The following SDK1 variants were observed in gnomAD, a reference collection of about 807,000 sequenced individuals.
The protein encoded by SDK1 is protein sidekick-1.
SDK1 carries 157 observed loss-of-function variants against 245.5 expected under a neutral mutation model. That is an observed-to-expected ratio of 0.64 (90% confidence interval 0.56 to 0.73). The LOEUF (loss-of-function observed/expected upper bound fraction) is 0.73. Ranked by LOEUF, SDK1 falls within the 30% of genes least tolerant of loss-of-function variation. SDK1 has a pLI of 0.00. For missense variants in SDK1, 3,583 were observed against 3,002.3 expected, an observed-to-expected ratio of 1.19 and a Z score of -4.52; for synonymous variants, 1,647 against 1,278.5, an observed-to-expected ratio of 1.29 and a Z score of -6.15.
chr7:3,379,240 G>T (rs1380201940), intron 1 of SDK1, among the ~76,000 whole-genome samples: 1 of 152,146 alleles, frequency 6.6e-6, no homozygotes, highest in African/African-American at 2.4e-5. Flanking sequence ...GACCTGTCAC[G>T]ATGGAGCTTA....
At chr7:3,359,384 G>A (rs148439877) in intron 1 of SDK1, among the ~76,000 whole-genome samples, 4 of 152,222 alleles carry the variant, frequency 2.6e-5, no homozygotes, top group South Asian at 2.1e-4. Context: ...TTAAGTTTTC[G>A]TTGTTGTTGT....
At position 3,615,156 on chromosome 7, in the gene SDK1, T is replaced by C. The variant is rs531516212; in HGVS notation, c.299-3924T>C. Among the ~76,000 whole-genome samples, 35 of 151,796 alleles carry C rather than the reference T, an allele frequency of 2.3e-4. 1 individual carries two copies. The highest frequency in any genetic ancestry group is 1.0e-3 in the South Asian group (5 of 4,814). On this transcript the variant is annotated intron_variant, in intron 1 of 44. Transcript: ENST00000404826. ...ATGTATGTTTTCTATGACTCATTCG[T>C]GTAGGACACTGGAACCATATGAAGT...
At chr7:4,051,555 A>G in intron 18 of SDK1, 83 bp from the exon 19 acceptor site, 1 of 1,221,160 alleles carries the variant, frequency 8.2e-7, no homozygotes, top group Non-Finnish European at 1.2e-6. Flanking sequence ...ATTTTAAAAG[A>G]CAAAATAAAA....
intron 1 of SDK1, among the ~76,000 whole-genome samples, chr7:3,547,631 A>T (rs557005070): frequency 2.6e-5 from 4 of 152,370 alleles, no homozygotes; most frequent in South Asian, 4.1e-4. Flanking sequence ...GACCTAGTCC[A>T]TGCTTGTCCA....
chr7:3,671,303 C>G (rs112435060), intron 4 of SDK1, among the ~76,000 whole-genome samples: 3,687 of 152,250 alleles, frequency 0.024, 159 homozygotes, highest in African/African-American at 0.084. Context: ...CTCTAGAATT[C>G]CATCGGCCTC....
intron 5 of SDK1, among the ~76,000 whole-genome samples, chr7:3,866,225 C>T (rs1780817943): frequency 6.6e-6 from 1 of 152,182 alleles, no homozygotes. Flanking sequence ...TTCACTTATG[C>T]ATTCATTACT....
At chr7:3,688,885 C>G (rs1458438380) in intron 4 of SDK1, among the ~76,000 whole-genome samples, 1 of 152,092 alleles carries the variant, frequency 6.6e-6, no homozygotes, top group Non-Finnish European at 1.5e-5. Context: ...CCATTTTGTT[C>G]AGAACAGCAC....
At chr7:3,881,044 G>A (rs949359006) in intron 5 of SDK1, among the ~76,000 whole-genome samples, 2 of 152,030 alleles carry the variant, frequency 1.3e-5, no homozygotes, top group Non-Finnish European at 2.9e-5. Flanking sequence ...ATTTTAATAA[G>A]ATTTGGGAAA....
intron 1 of SDK1, among the ~76,000 whole-genome samples, chr7:3,376,825 G>T (rs7807065): frequency 0.75 from 113,964 of 152,028 alleles, 43,058 homozygotes; most frequent in South Asian, 0.84. Context: ...TTTCAAAAAT[G>T]TCAAATTTTC....
chr7:4,011,956 G>T, intron 15 of SDK1, 139 bp from the exon 16 acceptor site: 1 of 595,182 alleles, frequency 1.7e-6, no homozygotes, highest in Non-Finnish European at 2.7e-6. Flanking sequence ...AGTTTCATTG[G>T]CTGTGTGTTT....
chr7:4,149,035 A>G (rs1475137960), intron 29 of SDK1, among the ~76,000 whole-genome samples: 2 of 150,518 alleles, frequency 1.3e-5, no homozygotes, highest in African/African-American at 5.0e-5. Context: ...CAACCTGGTG[A>G]CAGAGTGAGA....
intron 1 of SDK1, among the ~76,000 whole-genome samples, chr7:3,467,029 C>CACACACAGAG (rs1288513856): frequency 5.4e-4 from 74 of 137,642 alleles, no homozygotes; most frequent in African/African-American, 1.8e-3. Flanking sequence ...CACACACACA[C>CACACACAGAG]AGAGATGTAA....
intron 1 of SDK1, among the ~76,000 whole-genome samples, chr7:3,336,788 G>T (rs1432708459): frequency 6.6e-6 from 1 of 152,170 alleles, no homozygotes; most frequent in African/African-American, 2.4e-5. Context: ...ACTTTGGCTG[G>T]GAAAGTGTCA....
At chr7:3,634,504 G>C (rs893498492) in intron 2 of SDK1, among the ~76,000 whole-genome samples, 1 of 152,216 alleles carries the variant, frequency 6.6e-6, no homozygotes, top group African/African-American at 2.4e-5. Context: ...ATTCTGCCTT[G>C]ATAGAGTGAA....
At chr7:4,229,739 T>C (rs926318257) in intron 40 of SDK1, among the ~76,000 whole-genome samples, 24 of 152,168 alleles carry the variant, frequency 1.6e-4, no homozygotes, top group African/African-American at 5.5e-4. Context: ...CAACACCCAG[T>C]TTATAAGAGT....
intron 1 of SDK1, among the ~76,000 whole-genome samples, chr7:3,556,599 T>A (rs1779593970): frequency 6.6e-6 from 1 of 151,856 alleles, no homozygotes. Flanking sequence ...GGCAGGCTGA[T>A]TATCTCAGGT....
intron 1 of SDK1, among the ~76,000 whole-genome samples, chr7:3,592,340 G>T (rs1332104801): frequency 6.6e-6 from 1 of 152,160 alleles, no homozygotes; most frequent in African/African-American, 2.4e-5. Flanking sequence ...AGATGTTCCA[G>T]AATAACAGAA....
At chr7:3,696,891 T>G (rs907163059) in intron 4 of SDK1, among the ~76,000 whole-genome samples, 1 of 151,944 alleles carries the variant, frequency 6.6e-6, no homozygotes, top group Non-Finnish European at 1.5e-5. Flanking sequence ...ACCTCTGATA[T>G]TTACCATAGA....
At position 3,591,914 on chromosome 7, in the gene SDK1, A is replaced by T. The variant is rs535384255; in HGVS notation, c.299-27166A>T. Among the ~76,000 whole-genome samples, 20 of 152,354 alleles carry T rather than the reference A, an allele frequency of 1.3e-4. No homozygotes were observed. The South Asian group carries it at 4.1e-3, about 32-fold the overall frequency. Reference sequence around the variant, plus strand: ...GGGGTGGTGTCTGAAGTTTGAGAGGACTGGGGTCAATAAATTTCCACAAAA... The same window carrying T: ...GGGGTGGTGTCTGAAGTTTGAGAGGTCTGGGGTCAATAAATTTCCACAAAA... On this transcript the variant is annotated intron_variant, in intron 1 of 44. Coordinates refer to ENST00000404826, the MANE Select transcript of SDK1 (RefSeq NM_152744.4).
Sources: allele counts gnomAD v4.1 joint callset (sites outside exome capture counted in the v4.1 genomes callset), GRCh38; gene constraint gnomAD v4.1.1; transcripts MANE v1.5; gene names NCBI Gene and HGNC (gene_info 2026-07-23, HGNC 2026-07-21).